GLIPR2: variants seen among roughly 807,000 people sequenced by gnomAD.
GLIPR2 encodes Golgi-associated plant pathogenesis-related protein 1.
A neutral mutation model predicts 20.4 loss-of-function variants in GLIPR2; 21 were observed. The observed-to-expected ratio is 1.03, with a 90% CI of 0.73 to 1.48. The LOEUF (loss-of-function observed/expected upper bound fraction) is 1.48, where lower values mean the gene tolerates loss of function less well. Among genes scored for constraint, GLIPR2 ranks in the 40% most tolerant of loss-of-function variants. The pLI, the probability that GLIPR2 is intolerant of heterozygous loss-of-function variation, is 0.00. For missense variants in GLIPR2, 205 were observed against 200.1 expected (o/e 1.02, Z -0.15); for synonymous variants, 91 against 80.5 (o/e 1.13, Z -0.70).
rs1291227596 is a variant in GLIPR2, at chr9:36,162,672, A to C, written c.*150A>C. On this transcript the variant is annotated 3_prime_UTR_variant, in exon 5 of 5. Coordinates refer to ENST00000377960, the MANE Select transcript of GLIPR2 (RefSeq NM_022343.4). Reference sequence around the variant, plus strand: ...GCGTCTCTGGCACACACACTTGGACATACAGTTCTGTGTGCGCTCATTCTT... The same window carrying C: ...GCGTCTCTGGCACACACACTTGGACCTACAGTTCTGTGTGCGCTCATTCTT... 7 of 749,178 alleles carry C rather than the reference A, an allele frequency of 9.3e-6. No homozygotes were observed. In the East Asian group the frequency reaches 1.9e-4, roughly 20 times the overall value. The allele number at this position is 749,178 out of a possible 1,614,324, so 46.4% of individuals were successfully genotyped here.
rs1205285060 is a variant in GLIPR2 at position 36,162,350 on chromosome 9, G to A, written c.305-12G>A. On this transcript the variant is annotated splice_polypyrimidine_tract_variant and intron_variant, in intron 4 of 4. Coordinates refer to ENST00000377960, the MANE Select transcript of GLIPR2 (RefSeq NM_022343.4). ...CAGCCGTGTCCCTCTCCCTCTGCCC[G>A]TTCCCCTACAGGACACTTCACGGCC... 3.1e-6 allele frequency: 5 copies of A among 1,605,194 alleles called. No individual in the cohort carries two copies. The highest frequency in any genetic ancestry group is 1.3e-5 in the African/African-American group (1 of 74,444).
chr9:36,161,694 A>T (rs2132797658), intron 4 of GLIPR2, among the ~76,000 whole-genome samples: 1 of 152,240 alleles, frequency 6.6e-6, no homozygotes, highest in Non-Finnish European at 1.5e-5. Flanking sequence ...TCAGGTGTCA[A>T]GTAAGATGAA....
intron 1 of GLIPR2, among the ~76,000 whole-genome samples, chr9:36,141,068 C>T (rs550078009): frequency 6.6e-6 from 1 of 152,270 alleles, no homozygotes; most frequent in East Asian, 1.9e-4. Context: ...TGTCCCTGTC[C>T]GATGGTAATA....
At chr9:36,139,834 G>C (rs1285800625) in intron 1 of GLIPR2, among the ~76,000 whole-genome samples, 1 of 152,164 alleles carries the variant, frequency 6.6e-6, no homozygotes, top group Non-Finnish European at 1.5e-5. Flanking sequence ...TGGTTTCTCT[G>C]CTGGGACTTG....
At chr9:36,146,192 T>A (rs1488676351) in intron 1 of GLIPR2, 1 of 152,456 alleles carries the variant, frequency 6.6e-6, no homozygotes, top group African/African-American at 2.4e-5. Flanking sequence ...TGCTGCATTA[T>A]CCCATGGAAG....
At position 36,136,950 on chromosome 9, in the gene GLIPR2, G is replaced by A. The variant is rs1824847545; in HGVS notation, c.13+159G>A. 2.3e-6 allele frequency: 2 copies of A among 865,644 alleles called. No individual in the cohort carries two copies. Among genetic ancestry groups the A allele is most frequent in the Non-Finnish European group, 3.1e-6 (2 of 654,646 alleles). The allele number at this position is 865,644 out of a possible 1,614,324, so 53.6% of individuals were successfully genotyped here. A position where few individuals can be genotyped will look rare whatever the true frequency, so the allele number is the denominator to read the frequency against. Reference sequence around the variant, plus strand: ...CGGAGCGCCCCGGCGCGGTTTCCGGGGAACCCGGGGGGAAGGCGAGCCCGA... The same window carrying A: ...CGGAGCGCCCCGGCGCGGTTTCCGGAGAACCCGGGGGGAAGGCGAGCCCGA... On this transcript the variant is annotated intron_variant, in intron 1 of 4. Transcript: ENST00000377960. The surrounding 1 kb of genome is among the most constrained non-coding windows in gnomAD (Gnocchi z 4.3).
chr9:36,151,940 C>G (rs989512466), intron 4 of GLIPR2, among the ~76,000 whole-genome samples: 3 of 152,170 alleles, frequency 2.0e-5, no homozygotes, highest in Admixed American at 6.5e-5. Context: ...CCTCCTACCC[C>G]ACCTGTTCCA....
chr9:36,152,928 G>A (rs1478009957), intron 4 of GLIPR2, among the ~76,000 whole-genome samples: 1 of 108,480 alleles, frequency 9.2e-6, no homozygotes. Flanking sequence ...CCAACATGGT[G>A]AAATCCTGTC....
At position 36,143,340 on chromosome 9, in the gene GLIPR2, C is replaced by T. The variant is rs372532365; in HGVS notation, c.14-4446C>T. Reference sequence around the variant, plus strand: ...CTGTTGCCTCCTCCATTCATGCTTCCTGAGCCAGGAACACCTCCTCCAGGG... The same window carrying T: ...CTGTTGCCTCCTCCATTCATGCTTCTTGAGCCAGGAACACCTCCTCCAGGG... On this transcript the variant is annotated intron_variant, in intron 1 of 4. Transcript: ENST00000377960. Among the ~76,000 whole-genome samples, 31 of 152,280 alleles carry T rather than the reference C, an allele frequency of 2.0e-4. No individual in the cohort carries two copies. In the South Asian group the frequency reaches 6.4e-3, roughly 32 times the overall value.
intron 4 of GLIPR2, among the ~76,000 whole-genome samples, chr9:36,157,397 A>G (rs975429995): frequency 2.0e-5 from 3 of 150,312 alleles, no homozygotes; most frequent in African/African-American, 7.4e-5. Flanking sequence ...CCCAGGCTGG[A>G]GTGCAGTGGT....
intron 1 of GLIPR2, among the ~76,000 whole-genome samples, chr9:36,146,819 G>A (rs1181297529): frequency 1.3e-5 from 2 of 152,162 alleles, no homozygotes; most frequent in Non-Finnish European, 2.9e-5. Context: ...CATGGCTTAG[G>A]GCTGTCCGGC....
At chr9:36,139,170 C>T (rs1055517849) in intron 1 of GLIPR2, among the ~76,000 whole-genome samples, 13 of 152,004 alleles carry the variant, frequency 8.6e-5, no homozygotes, top group African/African-American at 2.9e-4. Context: ...GAGGCCTGCA[C>T]GATGGGATGA....
intron 4 of GLIPR2, among the ~76,000 whole-genome samples, chr9:36,160,479 A>G (rs951903059): frequency 2.6e-4 from 39 of 152,052 alleles, no homozygotes; most frequent in African/African-American, 9.4e-4. Flanking sequence ...CCTAGGTGAC[A>G]GAGATCCTGT....
At chr9:36,150,550 C>CAG (rs1002364672) in intron 3 of GLIPR2, among the ~76,000 whole-genome samples, 30 of 152,314 alleles carry the variant, frequency 2.0e-4, no homozygotes, top group Admixed American at 1.7e-3. Flanking sequence ...TTTCATTGTA[C>CAG]AGAGGCCCAG....
chr9:36,140,881 G>A (rs543764955), intron 1 of GLIPR2, among the ~76,000 whole-genome samples: 3 of 152,034 alleles, frequency 2.0e-5, no homozygotes, highest in Admixed American at 6.6e-5. Context: ...TCCCGCCTTC[G>A]CTGTGCTGGA....
chr9:36,157,136 C>T (rs973918161), intron 4 of GLIPR2, among the ~76,000 whole-genome samples: 7 of 151,086 alleles, frequency 4.6e-5, no homozygotes, highest in Admixed American at 3.3e-4. Context: ...CCTGCCTCAG[C>T]CTCCTGAGTA....
intron 4 of GLIPR2, among the ~76,000 whole-genome samples, chr9:36,156,161 G>T (rs1368064683): frequency 6.6e-6 from 1 of 152,130 alleles, no homozygotes; most frequent in Non-Finnish European, 1.5e-5. Flanking sequence ...AGTAAGCCAA[G>T]ATTGCACCAC....
chr9:36,149,921 G>A (rs1307083422), intron 3 of GLIPR2, among the ~76,000 whole-genome samples: 2 of 152,184 alleles, frequency 1.3e-5, no homozygotes, highest in African/African-American at 2.4e-5. Context: ...CCAGCTACTC[G>A]GGAGGCTGAG....
At chr9:36,146,605 A>C (rs1587136265) in intron 1 of GLIPR2, among the ~76,000 whole-genome samples, 1 of 152,214 alleles carries the variant, frequency 6.6e-6, no homozygotes, top group African/African-American at 2.4e-5. Flanking sequence ...TCCAAAATAC[A>C]TTGGTGGGAC....
Sources: gnomAD v4.1 joint callset for allele counts (sites outside exome capture counted in the v4.1 genomes callset) on GRCh38, gnomAD v4.1.1 for gene constraint, Gnocchi (gnomAD v3.1) non-coding constraint, MANE v1.5 for transcripts, NCBI Gene and HGNC (gene_info 2026-07-23, HGNC 2026-07-21) for gene names.